Variants in CEP70 observed in about 807,000 individuals in gnomAD.
The protein encoded by CEP70 is centrosomal protein 70, also known as centrosomal protein of 70 kDa.
CEP70 carries 70 observed loss-of-function variants against 90.9 expected under a neutral mutation model. The observed-to-expected ratio is 0.77, with a 90% confidence interval of 0.64 to 0.94. CEP70 has a LOEUF of 0.94. CEP70 is among the 40% of genes least tolerant of loss of function. CEP70 has a pLI of 0.00. For synonymous variants in CEP70, 220 were observed against 228.3 expected, an observed-to-expected ratio of 0.96 and a Z score of 0.33; for missense variants, 648 against 669.0, an observed-to-expected ratio of 0.97 and a Z score of 0.35.
At chr3:138,503,720 G>GA (rs749489918) in intron 13 of CEP70, among the ~76,000 whole-genome samples, 1 of 151,986 alleles carries the variant, frequency 6.6e-6, no homozygotes, top group Non-Finnish European at 1.5e-5. Context: ...CTCCTCCTCA[G>GA]AAAACCATAC....
chr3:138,525,560 T>A lies in CEP70; in HGVS notation c.874A>T (p.Thr292Ser). The A allele has an allele frequency of 7.4e-7, 1 of 1,355,922 alleles. No individual in the cohort carries two copies. Among genetic ancestry groups the A allele is most frequent in the Non-Finnish European group, 9.7e-7 (1 of 1,032,282 alleles). 84.0% of individuals were successfully genotyped at this position (1,355,922 alleles called of 1,614,324 possible). A position where few individuals can be genotyped will look rare whatever the true frequency, so the allele number is the denominator to read the frequency against. Residue 292 changes from threonine (T) to serine (S), a missense_variant, in exon 11 of 18, where the codon ACG becomes TCG. By Grantham distance (58) the Thr-to-Ser change is moderately conservative (BLOSUM62 1). Transcript: ENST00000264982. ...NLQKDLETRP[T>S]QHELRLYKQQ... is the part of the protein sequence containing the mutation. ...TTATAAAGTCTTAATTCATGCTGCG[T>A]AGGCCTGTGGAAAATAAATAATGAT... is the stretch of plus-strand genomic sequence containing the variant.
intron 7 of CEP70, 26 bp downstream of exon 7, chr3:138,537,152 C>T (rs1427841944): frequency 1.6e-5 from 23 of 1,457,648 alleles, no homozygotes; most frequent in Middle Eastern, 1.8e-4. Context: ...AATCTAGCTA[C>T]ATATCAATTT....
intron 6 of CEP70, among the ~76,000 whole-genome samples, chr3:138,554,393 T>C (rs140617029): frequency 1.6e-3 from 239 of 152,132 alleles, no homozygotes; most frequent in Middle Eastern, 0.01. Flanking sequence ...ACCACTTCTA[T>C]TGAGAACTAG....
At chr3:138,565,606 T>C (rs970579641) in intron 6 of CEP70, among the ~76,000 whole-genome samples, 30 of 152,158 alleles carry the variant, frequency 2.0e-4, no homozygotes, top group African/African-American at 7.2e-4. Flanking sequence ...CCCTATTTAA[T>C]AAATGGTGCT....
intron 2 of CEP70, among the ~76,000 whole-genome samples, chr3:138,591,230 T>C (rs1466404195): frequency 6.6e-6 from 1 of 152,188 alleles, no homozygotes; most frequent in Non-Finnish European, 1.5e-5. Flanking sequence ...CTTCATTTCA[T>C]GCATAAAACT....
rs1352383456 is a variant in CEP70 at position 138,571,066 on chromosome 3, T to C, written c.252A>G (p.Ile84Met). 1 of 1,605,706 alleles carries C rather than the reference T, an allele frequency of 6.2e-7. No homozygotes were observed. Among genetic ancestry groups the C allele is most frequent in the African/African-American group, 1.3e-5 (1 of 74,660 alleles). ...VEETSCQQNM[I>M]QELIETNQQL... ...GTTGATTAGTTTCTATAAGCTCCTG[T>C]ATCATGTTCTGTTGACATGATGTTT... Residue 84 changes from isoleucine to methionine, a missense_variant, in exon 5 of 18, where the codon ATA (isoleucine) becomes ATG (methionine). Coordinates refer to ENST00000264982, the MANE Select transcript of CEP70 (RefSeq NM_024491.4).
intron 6 of CEP70, among the ~76,000 whole-genome samples, chr3:138,569,376 C>G (rs1248280341): frequency 6.6e-6 from 1 of 152,120 alleles, no homozygotes; most frequent in African/African-American, 2.4e-5. Flanking sequence ...AATAAGGACT[C>G]AATGTTTATA....
At chr3:138,576,660 C>A (rs866811804) in intron 2 of CEP70, among the ~76,000 whole-genome samples, 3 of 152,174 alleles carry the variant, frequency 2.0e-5, no homozygotes, top group African/African-American at 7.2e-5. Flanking sequence ...TTCTTCTCAG[C>A]ACCACATCAC....
At chr3:138,553,899 CATT>C (rs1225217397) in intron 6 of CEP70, among the ~76,000 whole-genome samples, 1 of 151,962 alleles carries the variant, frequency 6.6e-6, no homozygotes, top group African/African-American at 2.4e-5. Flanking sequence ...TCAGAAAAAG[CATT>C]TAACAAAATC....
chr3:138,547,991 C>T (rs1049961985), intron 6 of CEP70, among the ~76,000 whole-genome samples: 1 of 152,074 alleles, frequency 6.6e-6, no homozygotes, highest in Non-Finnish European at 1.5e-5. Flanking sequence ...CTACTGTATA[C>T]AAAAATCAGT....
chr3:138,555,031 C>T (rs552355463), intron 6 of CEP70, among the ~76,000 whole-genome samples: 1 of 152,180 alleles, frequency 6.6e-6, no homozygotes, highest in African/African-American at 2.4e-5. Flanking sequence ...GGTAGATCAT[C>T]TGAGGTCAGG....
chr3:138,520,275 G>A (rs1026561233), intron 11 of CEP70, among the ~76,000 whole-genome samples: 1 of 151,998 alleles, frequency 6.6e-6, no homozygotes, highest in African/African-American at 2.4e-5. Flanking sequence ...ACAGATCAAC[G>A]AGACAGAAAA....
rs1206234104 is a variant in CEP70, at chr3:138,571,077, G to C, written c.241C>G (p.Gln81Glu). The C allele has an allele frequency of 6.2e-7, 1 of 1,602,888 alleles. No individual in the cohort carries two copies. Among genetic ancestry groups the C allele is most frequent in the East Asian group, 2.2e-5 (1 of 44,616 alleles). The part of the protein sequence containing the change: ...KLLVEETSCQ[Q>E]NMIQELIETN... ...TCTATAAGCTCCTGTATCATGTTCT[G>C]TTGACATGATGTTTCTTCCACCAAC... The change falls in exon 5 of 18, where the codon CAG (glutamine) becomes GAG (glutamate). Residue 81 changes from glutamine to glutamate, a missense_variant. Gln to Glu is a conservative substitution (Grantham distance 29). Coordinates refer to ENST00000264982, the MANE Select transcript of CEP70 (RefSeq NM_024491.4).
intron 17 of CEP70, chr3:138,496,593 C>T (rs149773220): frequency 2.2e-5 from 22 of 985,384 alleles, no homozygotes; most frequent in Middle Eastern, 1.0e-3. Context: ...CAGTCAATCA[C>T]ACCATTTACA....
rs7625183 is a variant in CEP70 at position 138,497,871 on chromosome 3, A to C, written c.1732+160T>G. On this transcript the variant is annotated intron_variant, in intron 17 of 17. Transcript: ENST00000264982. ...GTGTTTCTGTTCTATGGACTAATCC[A>C]AACAAACTCTAACTGCTTGTAAGGA... The C allele has an allele frequency of 0.013, 12,356 of 985,344 alleles. 1,154 individuals carry two copies. In the African/African-American group the frequency reaches 0.2, roughly 16 times the overall value. 61.0% of individuals were successfully genotyped at this position (985,344 alleles called of 1,614,324 possible). A position where few individuals can be genotyped will look rare whatever the true frequency, so the allele number is the denominator to read the frequency against.
chr3:138,496,748 T>TA lies in CEP70; in HGVS notation c.1732+1282dup, dbSNP rs1200158495. The TA allele has an allele frequency of 1.1e-4, 110 of 985,320 alleles. 5 individuals are homozygous for TA. The highest frequency in any genetic ancestry group is 8.4e-6 in the Non-Finnish European group (7 of 829,932). The allele number at this position is 985,320 out of a possible 1,614,324, so 61.0% of individuals were successfully genotyped here. Reference sequence around the variant, plus strand: ...TTGCCAGATTTAACTTTCCCAATGTTAATGTTTAACACCAGAACTTCAACT... The same window carrying TA: ...TTGCCAGATTTAACTTTCCCAATGTTAAATGTTTAACACCAGAACTTCAACT... On this transcript the variant is annotated intron_variant, in intron 17 of 17. Coordinates refer to ENST00000264982, the MANE Select transcript of CEP70 (RefSeq NM_024491.4).
At chr3:138,575,986 A>G (rs940794836) in intron 2 of CEP70, among the ~76,000 whole-genome samples, 3 of 152,238 alleles carry the variant, frequency 2.0e-5, no homozygotes, top group Non-Finnish European at 4.4e-5. Flanking sequence ...AGTACCAGCC[A>G]CTGCAAAAAC....
intron 11 of CEP70, among the ~76,000 whole-genome samples, chr3:138,510,647 C>G (rs190036176): frequency 6.6e-6 from 1 of 152,076 alleles, no homozygotes; most frequent in East Asian, 1.9e-4. Context: ...GGTTGAAGTC[C>G]CAGCAGGAAA....
intron 11 of CEP70, among the ~76,000 whole-genome samples, chr3:138,513,758 T>C (rs2035748552): frequency 6.6e-6 from 1 of 152,206 alleles, no homozygotes; most frequent in Non-Finnish European, 1.5e-5. Context: ...AAAACATAAA[T>C]ACTATTGAAA....
Sources: allele counts gnomAD v4.1 joint callset (sites outside exome capture counted in the v4.1 genomes callset), GRCh38; gene constraint gnomAD v4.1.1; transcripts MANE v1.5; gene names NCBI Gene and HGNC (gene_info 2026-07-23, HGNC 2026-07-21).